Variants in WWC1 observed in about 807,000 individuals in gnomAD.
The protein encoded by WWC1 is protein KIBRA.
In WWC1, 55 loss-of-function variants were observed where a neutral mutation model predicts 138.4. The ratio of observed to expected loss-of-function variants is 0.40; its 90% CI spans 0.32 to 0.50. WWC1 has a LOEUF of 0.50. WWC1 is among the 20% of genes least tolerant of loss of function. The pLI is 0.72. For synonymous variants in WWC1, 524 were observed against 564.9 expected (o/e 0.93, Z 1.03); for missense variants, 1,226 against 1,420.4 (o/e 0.86, Z 2.20).
At chr5:168,314,983 G>A (rs372625049) in intron 1 of WWC1, among the ~76,000 whole-genome samples, 11 of 152,102 alleles carry the variant, frequency 7.2e-5, no homozygotes, top group African/African-American at 2.4e-4. Context: ...TCCCCCGCCC[G>A]TCTCAGAAGA....
chr5:168,356,921 C>G (rs1263330465), intron 1 of WWC1, among the ~76,000 whole-genome samples: 3 of 152,176 alleles, frequency 2.0e-5, no homozygotes, highest in Non-Finnish European at 4.4e-5. Context: ...CTGGCCCTAC[C>G]TAGGGCCCTG....
intron 1 of WWC1, among the ~76,000 whole-genome samples, chr5:168,356,441 A>G (rs943148188): frequency 2.0e-5 from 3 of 152,200 alleles, no homozygotes; most frequent in African/African-American, 7.2e-5. Flanking sequence ...TGTCCATAGG[A>G]AAAAAGGTGT....
chr5:168,365,076 C>T (rs1776183299), intron 1 of WWC1, among the ~76,000 whole-genome samples: 1 of 152,204 alleles, frequency 6.6e-6, no homozygotes, highest in Admixed American at 6.5e-5. Flanking sequence ...TCAAACGTTG[C>T]CTTTCTTCCT....
chr5:168,357,683 T>A (rs1338557860), intron 1 of WWC1, among the ~76,000 whole-genome samples: 1 of 152,142 alleles, frequency 6.6e-6, no homozygotes, highest in Non-Finnish European at 1.5e-5. Context: ...GCTGTTTTAA[T>A]TGCTTATTTG....
intron 1 of WWC1, among the ~76,000 whole-genome samples, chr5:168,345,300 T>TCC (rs1774376272): frequency 2.6e-5 from 4 of 152,214 alleles, no homozygotes; most frequent in African/African-American, 9.7e-5. Flanking sequence ...AGACAGGGTT[T>TCC]TGCCATATTG....
chr5:168,377,097 A>G (rs891978114), intron 2 of WWC1, among the ~76,000 whole-genome samples: 3 of 152,186 alleles, frequency 2.0e-5, no homozygotes, highest in Non-Finnish European at 4.4e-5. Flanking sequence ...AGATCAATGG[A>G]ACAGAATAGA....
intron 1 of WWC1, among the ~76,000 whole-genome samples, chr5:168,355,700 A>G (rs79868853): frequency 0.018 from 2,778 of 152,186 alleles, 38 homozygotes; most frequent in South Asian, 0.055. Context: ...AAGGAGTTCT[A>G]TTCCATCCTG....
chr5:168,412,468 G>A (rs894131371), intron 8 of WWC1, among the ~76,000 whole-genome samples: 1 of 152,190 alleles, frequency 6.6e-6, no homozygotes, highest in African/African-American at 2.4e-5. Flanking sequence ...TTGACATAGG[G>A]AAAGAGAAAG....
chr5:168,326,359 A>C (rs1772549121), intron 1 of WWC1, among the ~76,000 whole-genome samples: 3 of 151,836 alleles, frequency 2.0e-5, no homozygotes, highest in Admixed American at 2.0e-4. Flanking sequence ...CTGGGATTAC[A>C]GGCATGTGCC....
chr5:168,310,169 TC>T (rs1275348656), intron 1 of WWC1, among the ~76,000 whole-genome samples: 6 of 152,300 alleles, frequency 3.9e-5, no homozygotes, highest in African/African-American at 1.4e-4. Flanking sequence ...GTTTACTTCA[TC>T]CTATTTTTAA....
intron 8 of WWC1, chr5:168,411,887 A>G (rs1297473123): frequency 5.3e-6 from 4 of 756,710 alleles, no homozygotes; most frequent in Non-Finnish European, 6.4e-6. Flanking sequence ...GAACCAGGTG[A>G]CTTGAAAGTA....
chr5:168,397,774 G>T lies in WWC1; in HGVS notation c.484G>T (p.Ala162Ser). Residue 162 changes from alanine (A) to serine (S), a missense_variant, in exon 4 of 23, where the codon GCT becomes TCT. This residue lies in a region of WWC1 where 1,016 missense variants were observed against 1,153.9 expected (regional missense o/e 0.88). Transcript: ENST00000265293. ...CAAGTATGACCCTGAGATCCTGAAAGCTGAAATTGCCACTGCAAAATCCCG... is the reference window on the plus strand; with the variant it reads ...CAAGTATGACCCTGAGATCCTGAAATCTGAAATTGCCACTGCAAAATCCCG... Reference protein sequence around the residue: ...SSKYDPEILKAEIATAKSRVN... With the variant: ...SSKYDPEILKSEIATAKSRVN... 6.2e-7 allele frequency: 1 copy of T among 1,614,042 alleles called. No individual in the cohort carries two copies. Among genetic ancestry groups the T allele is most frequent in the Non-Finnish European group, 8.5e-7 (1 of 1,179,950 alleles).
chr5:168,378,813 C>T (rs989610842), intron 2 of WWC1, among the ~76,000 whole-genome samples: 2 of 152,224 alleles, frequency 1.3e-5, no homozygotes, highest in Admixed American at 6.5e-5. Flanking sequence ...TGAATTTGCA[C>T]TCCTTTGCAT....
chr5:168,456,135 G>A lies in WWC1; in HGVS notation c.2823+615G>A, dbSNP rs28416603. 2.4e-3 allele frequency among the ~76,000 whole-genome samples: 358 copies of A among 151,776 alleles called. 2 individuals carry two copies. The highest frequency in any genetic ancestry group is 8.2e-3 in the African/African-American group (340 of 41,362). On this transcript the variant is annotated intron_variant, in intron 19 of 22. Transcript: ENST00000265293. ...TTCAACATAGTGAGACCCTGTCTCC[G>A]CCTAAGAAAAAGTTAAAAATTAGCT...
At chr5:168,361,201 G>C (rs1288758845) in intron 1 of WWC1, among the ~76,000 whole-genome samples, 1 of 152,190 alleles carries the variant, frequency 6.6e-6, no homozygotes. Flanking sequence ...AGCTAGGAAG[G>C]ATGGAACTGG....
At chr5:168,414,322 G>A (rs1238987036) in intron 8 of WWC1, 26 bp from the exon 9 acceptor site, 1 of 1,611,272 alleles carries the variant, frequency 6.2e-7, no homozygotes, top group African/African-American at 1.3e-5. Flanking sequence ...AGGCACACCA[G>A]TCATGCTTGC....
intron 1 of WWC1, among the ~76,000 whole-genome samples, chr5:168,295,091 G>T (rs1188887137): frequency 1.3e-5 from 2 of 152,122 alleles, no homozygotes; most frequent in African/African-American, 4.8e-5. Context: ...GCTAATTGGA[G>T]GATAGCCACT....
chr5:168,316,187 G>C (rs1449513511), intron 1 of WWC1, among the ~76,000 whole-genome samples: 1 of 152,176 alleles, frequency 6.6e-6, no homozygotes, highest in African/African-American at 2.4e-5. Context: ...GCTCGCAATT[G>C]CTATTTGCCA....
At chr5:168,407,868 C>CTT (rs11384431) in intron 6 of WWC1, among the ~76,000 whole-genome samples, 10 of 147,186 alleles carry the variant, frequency 6.8e-5, no homozygotes, top group African/African-American at 2.5e-4. Context: ...TTCTTCCCCC[C>CTT]TTTTTTTTTT....
Sources: allele counts gnomAD v4.1 joint callset (sites outside exome capture counted in the v4.1 genomes callset), GRCh38; gene constraint gnomAD v4.1.1; regional missense constraint gnomAD v4.1.1; transcripts MANE v1.5; gene names NCBI Gene and HGNC (gene_info 2026-07-23, HGNC 2026-07-21).